Variants in SETBP1 observed in about 807,000 individuals in gnomAD.
The protein encoded by SETBP1 is SET-binding protein.
A neutral mutation model predicts 101.0 loss-of-function variants in SETBP1; 9 were observed. The observed-to-expected ratio is 0.09, with a 90% CI of 0.05 to 0.16. The LOEUF is 0.16. Among genes scored for constraint, SETBP1 ranks in the 10% least tolerant of loss-of-function variants. The pLI is 1.00. For synonymous variants in SETBP1, 818 were observed against 788.5 expected, an observed-to-expected ratio of 1.04 and a Z score of -0.63; for missense variants, 1,858 against 2,033.8, an observed-to-expected ratio of 0.91 and a Z score of 1.66.
intron 4 of SETBP1, among the ~76,000 whole-genome samples, chr18:45,011,622 C>A (rs1016431251): frequency 6.6e-6 from 1 of 152,188 alleles, no homozygotes; most frequent in Non-Finnish European, 1.5e-5. Flanking sequence ...GTCTGCTGAC[C>A]AACAGCCAGT....
chr18:44,912,558 C>A (rs957849274), intron 3 of SETBP1, among the ~76,000 whole-genome samples: 53 of 152,142 alleles, frequency 3.5e-4, no homozygotes, highest in Middle Eastern at 3.4e-3. Flanking sequence ...GCTGGGACTA[C>A]AGGCACCTGC....
chr18:44,730,442 A>T (rs1316350048), intron 2 of SETBP1, among the ~76,000 whole-genome samples: 1 of 152,254 alleles, frequency 6.6e-6, no homozygotes, highest in Non-Finnish European at 1.5e-5. Flanking sequence ...ACAGATATGT[A>T]GATGGGGTGG....
chr18:44,734,737 G>A (rs2069926290), intron 2 of SETBP1, among the ~76,000 whole-genome samples: 1 of 152,084 alleles, frequency 6.6e-6, no homozygotes, highest in Non-Finnish European at 1.5e-5. Flanking sequence ...CGCAGTAACA[G>A]TCATTTCCTG....
intron 3 of SETBP1, among the ~76,000 whole-genome samples, chr18:44,930,148 G>A (rs548944136): frequency 2.4e-4 from 37 of 152,252 alleles, no homozygotes; most frequent in African/African-American, 7.2e-4. Flanking sequence ...AGCATGAAGC[G>A]CTGTTGAATT....
Position 44,701,537 on chromosome 18 carries a change from G to T in SETBP1, c.191G>T (p.Gly64Val), listed in dbSNP as rs1486940365. The change falls in exon 2 of 6, where the codon GGC becomes GTC. Residue 64 changes from glycine (G) to valine (V), a missense_variant. By Grantham distance (109) the Gly-to-Val change is moderately radical. Around this residue, in one of 12 missense-constraint regions of SETBP1, gnomAD observed 97 missense variants for 101.2 expected, o/e 0.96. Coordinates refer to ENST00000649279, the MANE Select transcript of SETBP1 (RefSeq NM_015559.3). ...GAGCCAGAGGAGGAGGATGAACTAG[G>T]CTCAGGGCGGGATGTGGATTCCAAC... Reference protein sequence around the residue: ...RMEPEEEDELGSGRDVDSNSN... With the variant: ...RMEPEEEDELVSGRDVDSNSN... 9 of 1,614,018 alleles carry T rather than the reference G, an allele frequency of 5.6e-6. No individual in the cohort carries two copies. The highest frequency in any genetic ancestry group is 6.8e-6 in the Non-Finnish European group (8 of 1,180,008).
chr18:44,860,139 G>A (rs1034847710), intron 2 of SETBP1, among the ~76,000 whole-genome samples: 2 of 152,186 alleles, frequency 1.3e-5, no homozygotes, highest in African/African-American at 4.8e-5. Context: ...AGATCATCTG[G>A]TCAGTTCTAA....
intron 2 of SETBP1, among the ~76,000 whole-genome samples, chr18:44,747,154 C>T (rs1305804721): frequency 2.0e-5 from 3 of 152,238 alleles, no homozygotes; most frequent in Non-Finnish European, 4.4e-5. Flanking sequence ...GAGGCTTCTA[C>T]AGGTGATGAC....
intron 3 of SETBP1, among the ~76,000 whole-genome samples, chr18:44,943,876 C>G (rs939470224): frequency 2.7e-5 from 4 of 150,900 alleles, no homozygotes; most frequent in African/African-American, 9.8e-5. Context: ...TCTCTGTTGC[C>G]CAGGCTGCAG....
At chr18:44,921,723 A>G (rs2070584517) in intron 3 of SETBP1, among the ~76,000 whole-genome samples, 1 of 152,160 alleles carries the variant, frequency 6.6e-6, no homozygotes, top group Admixed American at 6.5e-5. Flanking sequence ...ACTGTACTGT[A>G]AGCCTGACTG....
chr18:45,053,738 G>T (rs1467967364), intron 5 of SETBP1, among the ~76,000 whole-genome samples: 1 of 151,678 alleles, frequency 6.6e-6, no homozygotes, highest in African/African-American at 2.4e-5. Flanking sequence ...GTTCATGTTT[G>T]CTATATGGTT....
At chr18:45,036,093 G>A (rs1325331951) in intron 4 of SETBP1, among the ~76,000 whole-genome samples, 1 of 152,106 alleles carries the variant, frequency 6.6e-6, no homozygotes, top group Non-Finnish European at 1.5e-5. Context: ...CAACACTTTT[G>A]GAGGCCGAGG....
At chr18:45,055,760 C>T (rs1321522575) in intron 5 of SETBP1, among the ~76,000 whole-genome samples, 1 of 152,124 alleles carries the variant, frequency 6.6e-6, no homozygotes, top group Non-Finnish European at 1.5e-5. Flanking sequence ...TGAAACTTGG[C>T]AAACCATCCT....
chr18:44,760,211 T>G (rs186177040), intron 2 of SETBP1, among the ~76,000 whole-genome samples: 139 of 152,338 alleles, frequency 9.1e-4, no homozygotes, highest in African/African-American at 3.3e-3. Context: ...TTTTCACCTT[T>G]AACTTCTCAC....
intron 2 of SETBP1, among the ~76,000 whole-genome samples, chr18:44,799,989 G>A (rs2071569670): frequency 6.6e-6 from 1 of 152,114 alleles, no homozygotes; most frequent in Admixed American, 6.5e-5. Context: ...CTCCTTTTCA[G>A]GTCAGTACCT....
intron 1 of SETBP1, among the ~76,000 whole-genome samples, chr18:44,685,363 C>A (rs1156568218): frequency 6.6e-6 from 1 of 152,196 alleles, no homozygotes; most frequent in Non-Finnish European, 1.5e-5. Flanking sequence ...CTTCCGCCCC[C>A]TTGATTCTCC....
chr18:44,892,837 C>T (rs972811784), intron 3 of SETBP1, among the ~76,000 whole-genome samples: 5 of 152,088 alleles, frequency 3.3e-5, no homozygotes, highest in African/African-American at 1.2e-4. Flanking sequence ...ATTTTCTCAA[C>T]CAAGCCTTTA....
intron 2 of SETBP1, among the ~76,000 whole-genome samples, chr18:44,763,535 T>C (rs1332579034): frequency 6.6e-6 from 1 of 152,188 alleles, no homozygotes; most frequent in Non-Finnish European, 1.5e-5. Context: ...GCAGTTGATG[T>C]TTACTGTATT....
At chr18:44,979,815 C>T (rs1467348694) in intron 4 of SETBP1, among the ~76,000 whole-genome samples, 1 of 152,224 alleles carries the variant, frequency 6.6e-6, no homozygotes, top group Admixed American at 6.5e-5. Flanking sequence ...CCATCTATTG[C>T]ACATATTGGC....
intron 4 of SETBP1, among the ~76,000 whole-genome samples, chr18:45,025,079 A>G (rs2073139260): frequency 6.6e-6 from 1 of 152,200 alleles, no homozygotes; most frequent in African/African-American, 2.4e-5. Context: ...AATTGTCTGT[A>G]TTACTGTACT....
Sources: allele counts gnomAD v4.1 joint callset (sites outside exome capture counted in the v4.1 genomes callset), GRCh38; gene constraint gnomAD v4.1.1; regional missense constraint gnomAD v4.1.1; transcripts MANE v1.5; gene names NCBI Gene and HGNC (gene_info 2026-07-23, HGNC 2026-07-21).